The following TAB2 variants were observed in gnomAD, a reference collection of about 807,000 sequenced individuals.
TAB2 encodes TGF-beta activated kinase 1 (MAP3K7) binding protein 2.
A neutral mutation model predicts 65.0 loss-of-function variants in TAB2; 3 were observed. The ratio of observed to expected loss-of-function variants is 0.05; its 90% CI spans 0.02 to 0.12. TAB2 has a LOEUF of 0.12. TAB2 is among the 10% of genes least tolerant of loss of function. TAB2 has a pLI of 1.00. For missense variants in TAB2, 623 were observed against 840.3 expected (o/e 0.74, Z 3.20); for synonymous variants, 298 against 285.1 (o/e 1.05, Z -0.46).
At chr6:149,361,003 A>AGG (rs1780828928) in intron 1 of TAB2, among the ~76,000 whole-genome samples, 1 of 152,290 alleles carries the variant, frequency 6.6e-6, no homozygotes, top group South Asian at 2.1e-4. Context: ...CTGTGTCTGC[A>AGG]GGGTTCAGCC....
chr6:149,396,995 G>A (rs1782193659), intron 3 of TAB2, among the ~76,000 whole-genome samples: 1 of 152,218 alleles, frequency 6.6e-6, no homozygotes, highest in Non-Finnish European at 1.5e-5. Flanking sequence ...ATTAGATACA[G>A]TAGTAAGTAG....
At chr6:149,316,073 TTTATCA>T (rs1206826637), upstream of TAB2, among the ~76,000 whole-genome samples, 1 of 152,214 alleles carries the variant, frequency 6.6e-6, no homozygotes, top group Admixed American at 6.5e-5. Flanking sequence ...AATCAATTAT[TTTATCA>T]TTGAGTATGG....
At chr6:149,314,294 T>A (rs1362863527), upstream of TAB2, among the ~76,000 whole-genome samples, 1 of 152,190 alleles carries the variant, frequency 6.6e-6, no homozygotes, top group African/African-American at 2.4e-5. Context: ...AAAGAATCAT[T>A]TGTTCATGTT....
chr6:149,375,011 A>G (rs939221793), intron 2 of TAB2, among the ~76,000 whole-genome samples: 1 of 152,242 alleles, frequency 6.6e-6, no homozygotes, highest in Admixed American at 6.5e-5. Flanking sequence ...AGACATTTTT[A>G]TGCTTTAATT....
At position 149,323,291 on chromosome 6, in the gene TAB2, A is replaced by G. The variant is rs868580714; in HGVS notation, c.-90+5276A>G. On this transcript the variant is annotated intron_variant, in intron 1 of 6. Transcript: ENST00000637181. ...AGAAATTGAGAGGAAGAAATCAATT[A>G]TTTGTAGCTAGATTAGTCTTCATTA... Among the ~76,000 whole-genome samples, 23 of 152,304 alleles carry G rather than the reference A, an allele frequency of 1.5e-4. No individual in the cohort carries two copies. In the Middle Eastern group the frequency reaches 0.024, roughly 158 times the overall value.
At chr6:149,279,790 G>A (rs1370388866) in intron 1 of TAB2, among the ~76,000 whole-genome samples, 2 of 152,112 alleles carry the variant, frequency 1.3e-5, no homozygotes, top group African/African-American at 2.4e-5. Flanking sequence ...AGCTCCACCT[G>A]TATGTCCCCC....
chr6:149,277,239 A>G lies in TAB2; in HGVS notation c.-121+58463A>G, dbSNP rs184846480. ...ATGCAAATAACATTAGTATAAGTTT[A>G]TTCATTGCAGTTTTGTGTGTAATAG... On this transcript the variant is annotated intron_variant, in intron 1 of 1. Transcript: ENST00000606202. Among the ~76,000 whole-genome samples, 570 of 152,358 alleles carry G rather than the reference A, an allele frequency of 3.7e-3. 5 individuals carry two copies. Among genetic ancestry groups the G allele is most frequent in the African/African-American group, 0.013 (551 of 41,574 alleles).
At position 149,395,550 on chromosome 6, in the gene TAB2, TA is replaced by T. The variant is rs748589110; in HGVS notation, c.1604-2051del. Among the ~76,000 whole-genome samples the T allele has an allele frequency of 6.5e-4, 99 of 152,364 alleles. 1 individual carries two copies. Among genetic ancestry groups the T allele is most frequent in the Middle Eastern group, 3.4e-3 (1 of 294 alleles). The stretch of plus-strand genomic sequence containing the variant: ...TAGCAACATTTAACTGTATTCTTCT[TA>T]AATACCTTCAAGACCTTAGAATACT... On this transcript the variant is annotated intron_variant, in intron 3 of 6. Transcript: ENST00000637181.
chr6:149,328,538 C>T (rs1289161836), intron 1 of TAB2, among the ~76,000 whole-genome samples: 13 of 152,138 alleles, frequency 8.5e-5, no homozygotes, highest in African/African-American at 1.7e-4. Context: ...GTGATTGGCC[C>T]GCCTTGACCT....
intron 1 of TAB2, among the ~76,000 whole-genome samples, chr6:149,322,624 G>C (rs904645056): frequency 6.6e-6 from 1 of 152,238 alleles, no homozygotes; most frequent in African/African-American, 2.4e-5. Context: ...GTGTAAAATG[G>C]ATACGATATC....
chr6:149,359,875 A>G (rs1476058409), intron 1 of TAB2, among the ~76,000 whole-genome samples: 1 of 151,036 alleles, frequency 6.6e-6, no homozygotes, highest in Non-Finnish European at 1.5e-5. Flanking sequence ...GTACACTATC[A>G]TTCTGGAACT....
chr6:149,339,155 G>A (rs906501957), intron 1 of TAB2, among the ~76,000 whole-genome samples: 7 of 152,278 alleles, frequency 4.6e-5, no homozygotes, highest in African/African-American at 1.4e-4. Context: ...CATGAGATAA[G>A]GAGATCAAGA....
At chr6:149,357,430 A>AACAAAACACACACACACAC (rs1554261744) in intron 1 of TAB2, among the ~76,000 whole-genome samples, 1 of 111,146 alleles carries the variant, frequency 9.0e-6, no homozygotes, top group African/African-American at 3.4e-5. Context: ...AGAAAAAAAA[A>AACAAAACACACACACACAC]ACACACACAC....
At chr6:149,389,361 T>C (rs9390677) in intron 3 of TAB2, among the ~76,000 whole-genome samples, 54,346 of 151,672 alleles carry the variant, frequency 0.36, 10,069 homozygotes, top group East Asian at 0.6. Context: ...AAATTGTAAA[T>C]CTGGCCAGGC....
intron 1 of TAB2, among the ~76,000 whole-genome samples, chr6:149,274,396 C>T (rs962913239): frequency 6.6e-6 from 1 of 152,222 alleles, no homozygotes; most frequent in Non-Finnish European, 1.5e-5. Flanking sequence ...CCTTAGCTTT[C>T]CATACCCATA....
In TAB2 at chr6:149,267,980, T is replaced by C. The variant is rs545449706; in HGVS notation, c.-121+49204T>C. Reference sequence around the variant, plus strand: ...GGTAAATGTCAAATTAATGAATTAGTATCATCACCCAAAACAAAATATGAA... The same window carrying C: ...GGTAAATGTCAAATTAATGAATTAGCATCATCACCCAAAACAAAATATGAA... On this transcript the variant is annotated intron_variant, in intron 1 of 1. Coordinates refer to the TAB2 transcript ENST00000606202. Among the ~76,000 whole-genome samples the C allele has an allele frequency of 2.0e-5, 3 of 152,346 alleles. No individual in the cohort carries two copies. The East Asian group carries it at 5.8e-4, about 29-fold the overall frequency.
At chr6:149,291,289 T>C (rs1778771221) in intron 1 of TAB2, 1 of 152,244 alleles carries the variant, frequency 6.6e-6, no homozygotes, top group South Asian at 2.1e-4. Context: ...TTTCTTTGAT[T>C]ATTCAGAAAA....
Position 149,235,603 on chromosome 6 carries a change from C to T in TAB2, c.-121+16827C>T, listed in dbSNP as rs145659922. 4.4e-3 allele frequency among the ~76,000 whole-genome samples: 663 copies of T among 152,246 alleles called. 4 individuals are homozygous for T. The highest frequency in any genetic ancestry group is 7.1e-3 in the Non-Finnish European group (484 of 68,020). On this transcript the variant is annotated intron_variant, in intron 1 of 1. Transcript: ENST00000606202. ...GGAGTTCACCATTTCCTAGCTAGGC[C>T]GAGGAACCAGACTGGGGGTCCACAA... is the stretch of plus-strand genomic sequence containing the variant.
At chr6:149,269,650 T>G (rs766999324) in intron 1 of TAB2, among the ~76,000 whole-genome samples, 22 of 152,302 alleles carry the variant, frequency 1.4e-4, no homozygotes, top group Non-Finnish European at 2.6e-4. Flanking sequence ...GTCCTTGTAG[T>G]TTTACCTTTG....
Sources: gnomAD v4.1 joint callset for allele counts (sites outside exome capture counted in the v4.1 genomes callset) on GRCh38, gnomAD v4.1.1 for gene constraint, MANE v1.5 for transcripts, NCBI Gene and HGNC (gene_info 2026-07-23, HGNC 2026-07-21) for gene names.